ADAMTSL1: variants seen among roughly 807,000 people sequenced by gnomAD.
ADAMTSL1 encodes the protein ADAMTS-like protein 1.
Under a neutral mutation model 201.8 loss-of-function variants are expected in ADAMTSL1, and 126 were observed. The observed-to-expected ratio is 0.62, with a 90% CI of 0.54 to 0.72. ADAMTSL1 has a LOEUF of 0.72. ADAMTSL1 is among the 30% of genes least tolerant of loss of function. ADAMTSL1 has a pLI of 0.00. For synonymous variants in ADAMTSL1, 1,121 were observed against 903.4 expected, an observed-to-expected ratio of 1.24 and a Z score of -4.32; for missense variants, 2,679 against 2,277.8, an observed-to-expected ratio of 1.18 and a Z score of -3.59.
intron 1 of ADAMTSL1, among the ~76,000 whole-genome samples, chr9:18,099,868 C>G (rs144374944): frequency 6.6e-6 from 1 of 151,946 alleles, no homozygotes; most frequent in Admixed American, 6.6e-5. Context: ...CCTCGTGATC[C>G]GCCCACCTCA....
intron 1 of ADAMTSL1, among the ~76,000 whole-genome samples, chr9:18,098,984 A>G (rs2131839414): frequency 6.6e-6 from 1 of 152,140 alleles, no homozygotes; most frequent in Admixed American, 6.6e-5. Context: ...TAATATCTGA[A>G]GATAGTTGCC....
Position 18,275,083 on chromosome 9 carries a change from C to A in ADAMTSL1, c.207+111102C>A, listed in dbSNP as rs544655787. Among the ~76,000 whole-genome samples, 8 of 152,192 alleles carry A rather than the reference C, an allele frequency of 5.3e-5. 1 individual carries two copies. In the South Asian group the frequency reaches 1.7e-3, roughly 32 times the overall value. ...GATTTGAAGACAATACATCTTTTGT[C>A]CATCTGGGCAAAATTTGTATTTGGC... On this transcript the variant is annotated intron_variant, in intron 2 of 29. Coordinates refer to the ADAMTSL1 transcript ENST00000680146.
rs183166537 is a variant in ADAMTSL1, at chr9:18,597,325, G to A, written c.474+23059G>A. On this transcript the variant is annotated intron_variant, in intron 4 of 28. Transcript: ENST00000380548. Reference sequence around the variant, plus strand: ...AGGCTAGGAGTAATTTGTAATTTGGGATCTGCTGCCATCTACTCCTTATTT... The same window carrying A: ...AGGCTAGGAGTAATTTGTAATTTGGAATCTGCTGCCATCTACTCCTTATTT... 4.8e-3 allele frequency among the ~76,000 whole-genome samples: 736 copies of A among 152,270 alleles called. 4 individuals are homozygous for A. The highest frequency in any genetic ancestry group is 4.7e-3 in the Non-Finnish European group (321 of 68,022).
intron 1 of ADAMTSL1, among the ~76,000 whole-genome samples, chr9:18,082,413 G>C (rs1288459881): frequency 2.0e-5 from 3 of 152,162 alleles, no homozygotes; most frequent in East Asian, 3.9e-4. Flanking sequence ...CTGGATTCAA[G>C]TGATTCTTCT....
intron 23 of ADAMTSL1, among the ~76,000 whole-genome samples, chr9:18,845,028 A>G (rs1190654925): frequency 6.6e-6 from 1 of 152,138 alleles, no homozygotes; most frequent in Non-Finnish European, 1.5e-5. Context: ...CGGCTCATGC[A>G]CGGTGCACTG....
At chr9:18,136,371 A>G (rs917395908) in intron 1 of ADAMTSL1, among the ~76,000 whole-genome samples, 2 of 152,174 alleles carry the variant, frequency 1.3e-5, no homozygotes, top group Non-Finnish European at 2.9e-5. Flanking sequence ...AATTGCATTT[A>G]AGCAAGAGTG....
chr9:17,929,783 C>T lies in ADAMTSL1; in HGVS notation c.87+22861C>T, dbSNP rs554540213. 6.9e-4 allele frequency among the ~76,000 whole-genome samples: 105 copies of T among 152,272 alleles called. 1 individual carries two copies. The highest frequency in any genetic ancestry group is 2.2e-3 in the African/African-American group (93 of 41,562). On this transcript the variant is annotated intron_variant, in intron 1 of 29. Transcript: ENST00000680146. ...CTGGACTTCCTTCTGTGTTAGATGG[C>T]TTCTGTCATTATTTCTCACAATGCC...
In ADAMTSL1 at chr9:18,770,797, C is replaced by T. The variant is rs368986737; in HGVS notation, c.2397+16C>T. ...CTGGACAGAGGTATGTATGTTCCTC[C>T]GAAGAGAATGAAAGAGATCCAAGTA... On this transcript the variant is annotated intron_variant, in intron 17 of 28. Coordinates refer to ENST00000380548, the MANE Select transcript of ADAMTSL1 (RefSeq NM_001040272.6). 4.8e-5 allele frequency: 78 copies of T among 1,610,212 alleles called. No individual in the cohort carries two copies. Among genetic ancestry groups the T allele is most frequent in the South Asian group, 2.1e-4 (19 of 90,690 alleles).
In ADAMTSL1 at chr9:18,706,809, T is replaced by C. The variant is rs773590200; in HGVS notation, c.1637T>C (p.Ile546Thr). The C allele has an allele frequency of 9.3e-6, 15 of 1,610,094 alleles. No individual in the cohort carries two copies. The highest frequency in any genetic ancestry group is 1.3e-5 in the Non-Finnish European group (15 of 1,178,142). The change falls in exon 14 of 29, where the codon ATA becomes ACA. Residue 546 changes from isoleucine (I) to threonine (T), a missense_variant. By Grantham distance (89) the Ile-to-Thr change is moderately conservative (BLOSUM62 -1). Coordinates refer to ENST00000380548, the MANE Select transcript of ADAMTSL1 (RefSeq NM_001040272.6). ...VTCGVGTQVR[I>T]VRCQVLLSFS... ...TGTGGTGTGGGGACCCAGGTGCGAA[T>C]AGTCAGGTGCCAGGTGCTCCTGTCT...
chr9:18,551,111 T>C (rs1346451262), intron 3 of ADAMTSL1, among the ~76,000 whole-genome samples: 1 of 151,780 alleles, frequency 6.6e-6, no homozygotes, highest in Non-Finnish European at 1.5e-5. Context: ...AGACAAAAAA[T>C]ACAAAACAAA....
intron 1 of ADAMTSL1, among the ~76,000 whole-genome samples, chr9:18,150,926 G>A (rs1233397856): frequency 6.6e-6 from 1 of 151,848 alleles, no homozygotes; most frequent in Non-Finnish European, 1.5e-5. Flanking sequence ...TGTGAAATAG[G>A]AGACAATGAC....
chr9:18,779,940 G>T (rs12377348), intron 19 of ADAMTSL1, among the ~76,000 whole-genome samples: 1 of 152,026 alleles, frequency 6.6e-6, no homozygotes, highest in African/African-American at 2.4e-5. Flanking sequence ...AGGGAATCAC[G>T]ACTGGCTGCA....
At chr9:18,381,565 G>A (rs554769379) in intron 2 of ADAMTSL1, among the ~76,000 whole-genome samples, 121 of 152,248 alleles carry the variant, frequency 7.9e-4, no homozygotes, top group African/African-American at 2.8e-3. Context: ...TGCTGGTTGA[G>A]ATTGGGTTAA....
intron 23 of ADAMTSL1, among the ~76,000 whole-genome samples, chr9:18,862,613 G>C (rs1283678387): frequency 1.3e-5 from 2 of 152,184 alleles, no homozygotes; most frequent in Admixed American, 1.3e-4. Context: ...GTGCGTGATA[G>C]ATAAGTATAC....
intron 9 of ADAMTSL1, among the ~76,000 whole-genome samples, chr9:18,672,780 A>G (rs919184028): frequency 5.9e-5 from 9 of 152,220 alleles, no homozygotes; most frequent in Non-Finnish European, 1.0e-4. Flanking sequence ...ATTCTCCTGA[A>G]TTGTCAATGG....
intron 2 of ADAMTSL1, among the ~76,000 whole-genome samples, chr9:18,210,059 A>C (rs1829804368): frequency 6.6e-6 from 1 of 152,088 alleles, no homozygotes; most frequent in African/African-American, 2.4e-5. Context: ...TGTTTACCTT[A>C]TAAAATGACC....
intron 1 of ADAMTSL1, among the ~76,000 whole-genome samples, chr9:18,503,160 C>A (rs1359371849): frequency 6.6e-6 from 1 of 151,678 alleles, no homozygotes; most frequent in Non-Finnish European, 1.5e-5. Flanking sequence ...AGAACTTTTT[C>A]ATCTTCCCTA....
chr9:18,152,886 A>G (rs1191396594), intron 1 of ADAMTSL1, among the ~76,000 whole-genome samples: 2 of 152,054 alleles, frequency 1.3e-5, no homozygotes, highest in Non-Finnish European at 2.9e-5. Context: ...TTCTTAGGCA[A>G]AATGCCCTTG....
At chr9:18,778,926 A>G (rs1821221695) in intron 19 of ADAMTSL1, among the ~76,000 whole-genome samples, 1 of 152,238 alleles carries the variant, frequency 6.6e-6, no homozygotes, top group Non-Finnish European at 1.5e-5. Flanking sequence ...ATCTTCTCAG[A>G]ATCCAAGCAT....
Sources: gnomAD v4.1 joint callset for allele counts (sites outside exome capture counted in the v4.1 genomes callset) on GRCh38, gnomAD v4.1.1 for gene constraint, MANE v1.5 for transcripts, NCBI Gene and HGNC (gene_info 2026-07-23, HGNC 2026-07-21) for gene names.